Variants in EPHA5 observed in about 807,000 individuals in gnomAD.
EPHA5 encodes the protein EPH receptor A5.
Under a neutral mutation model 105.0 loss-of-function variants are expected in EPHA5, and 60 were observed. The ratio of observed to expected loss-of-function variants is 0.57; its 90% CI spans 0.46 to 0.71. The LOEUF (loss-of-function observed/expected upper bound fraction) is 0.71, where lower values mean the gene tolerates loss of function less well. Among genes scored for constraint, EPHA5 ranks in the 30% least tolerant of loss-of-function variants. EPHA5 has a pLI of 0.00. For missense variants in EPHA5, 1,218 were observed against 1,274.7 expected (o/e 0.96, Z 0.68); for synonymous variants, 513 against 449.1 (o/e 1.14, Z -1.80).
At chr4:65,658,923 T>G (rs144637212) in intron 1 of EPHA5, among the ~76,000 whole-genome samples, 1 of 152,048 alleles carries the variant, frequency 6.6e-6, no homozygotes. Flanking sequence ...GGCTCTATTA[T>G]GAGATTCATG....
intron 5 of EPHA5, among the ~76,000 whole-genome samples, chr4:65,458,134 T>C (rs1727789473): frequency 6.7e-6 from 1 of 149,098 alleles, no homozygotes; most frequent in South Asian, 2.1e-4. Context: ...TATACTAAGA[T>C]AATTGACAAT....
chr4:65,457,355 A>G (rs989890451), intron 5 of EPHA5, among the ~76,000 whole-genome samples: 4 of 152,180 alleles, frequency 2.6e-5, no homozygotes, highest in Non-Finnish European at 5.9e-5. Context: ...ACATCATAGG[A>G]TCATTATAAG....
At chr4:65,349,424 C>T (rs1423850799) in intron 13 of EPHA5, among the ~76,000 whole-genome samples, 1 of 151,968 alleles carries the variant, frequency 6.6e-6, no homozygotes, top group Non-Finnish European at 1.5e-5. Flanking sequence ...CTCTTAGCTT[C>T]AATAGCAGGC....
chr4:65,618,876 TG>T (rs1361439830), intron 2 of EPHA5, among the ~76,000 whole-genome samples: 3 of 152,182 alleles, frequency 2.0e-5, no homozygotes, highest in Non-Finnish European at 4.4e-5. Context: ...ACTAATTGGT[TG>T]GGCGCGGTGG....
chr4:65,526,722 C>T (rs1181127885), intron 3 of EPHA5, among the ~76,000 whole-genome samples: 1 of 151,954 alleles, frequency 6.6e-6, no homozygotes, highest in Non-Finnish European at 1.5e-5. Flanking sequence ...GAGAGCCAAA[C>T]TTTGCATATG....
intron 14 of EPHA5, among the ~76,000 whole-genome samples, chr4:65,342,537 A>T (rs1721828757): frequency 6.6e-6 from 1 of 151,880 alleles, no homozygotes; most frequent in Non-Finnish European, 1.5e-5. Context: ...ACATATAAGG[A>T]ATATGTATAC....
intron 5 of EPHA5, among the ~76,000 whole-genome samples, chr4:65,424,914 A>T (rs1196863673): frequency 5.6e-4 from 86 of 152,270 alleles, no homozygotes; most frequent in East Asian, 1.9e-4. Flanking sequence ...CAAAGTGAAC[A>T]TGATGAAAAC....
At chr4:65,466,875 G>T (rs1728771585) in intron 5 of EPHA5, among the ~76,000 whole-genome samples, 1 of 152,134 alleles carries the variant, frequency 6.6e-6, no homozygotes, top group Admixed American at 6.5e-5. Context: ...CAGATACTTA[G>T]GATGGAGGCA....
In EPHA5 at chr4:65,376,941, A is replaced by C. The variant is rs536814163; in HGVS notation, c.1794-9517T>G. The stretch of plus-strand genomic sequence containing the variant: ...AAATGGAGAAAGAAAAGGAATGCCG[A>C]CGGTAATACATATAGGTGGACATCA... On this transcript the variant is annotated intron_variant, in intron 8 of 16. Transcript: ENST00000613740. 470 of 1,442,568 alleles carry C rather than the reference A, an allele frequency of 3.3e-4. 3 individuals are homozygous for C. The South Asian group carries it at 6.6e-3, about 20-fold the overall frequency. 89.4% of individuals were successfully genotyped at this position (1,442,568 alleles called of 1,614,324 possible). A position where few individuals can be genotyped will look rare whatever the true frequency, so the allele number is the denominator to read the frequency against.
At chr4:65,404,519 G>T in intron 7 of EPHA5, 40 bp from the exon 8 acceptor site, 2 of 1,563,324 alleles carry the variant, frequency 1.3e-6, no homozygotes, top group South Asian at 1.1e-5. Context: ...TGGTTAAAGT[G>T]ATCACATGCA....
At chr4:65,375,613 G>GAGATGT (rs1392009481) in intron 8 of EPHA5, among the ~76,000 whole-genome samples, 1 of 151,866 alleles carries the variant, frequency 6.6e-6, no homozygotes, top group Non-Finnish European at 1.5e-5. Context: ...AAGCATTTTT[G>GAGATGT]AGATGTAGTT....
intron 5 of EPHA5, among the ~76,000 whole-genome samples, chr4:65,463,762 AT>A (rs1728343936): frequency 6.6e-6 from 1 of 152,052 alleles, no homozygotes; most frequent in African/African-American, 2.4e-5. Flanking sequence ...TTTGCACAAT[AT>A]TTCTCTTGCC....
chr4:65,597,095 T>C (rs537876883), intron 3 of EPHA5, among the ~76,000 whole-genome samples: 1 of 152,280 alleles, frequency 6.6e-6, no homozygotes, highest in South Asian at 2.1e-4. Flanking sequence ...GGACAATTAA[T>C]AAGTACTTTT....
intron 3 of EPHA5, among the ~76,000 whole-genome samples, chr4:65,579,133 T>G (rs929494644): frequency 8.6e-5 from 13 of 151,586 alleles, no homozygotes; most frequent in Non-Finnish European, 1.9e-4. Flanking sequence ...TAAAAATGTT[T>G]AAATATTATT....
At chr4:65,582,878 A>C (rs1283630615) in intron 3 of EPHA5, among the ~76,000 whole-genome samples, 2 of 151,722 alleles carry the variant, frequency 1.3e-5, no homozygotes, top group Non-Finnish European at 3.0e-5. Flanking sequence ...AGAATTACAT[A>C]ATAGATGATA....
At chr4:65,441,733 T>A (rs981800115) in intron 5 of EPHA5, among the ~76,000 whole-genome samples, 2 of 151,994 alleles carry the variant, frequency 1.3e-5, no homozygotes, top group African/African-American at 4.8e-5. Context: ...TAAAACATAT[T>A]AATAAAAAAA....
At chr4:65,444,521 G>A (rs535544225) in intron 5 of EPHA5, among the ~76,000 whole-genome samples, 1 of 152,060 alleles carries the variant, frequency 6.6e-6, no homozygotes, top group African/African-American at 2.4e-5. Flanking sequence ...ACCTTGTCTG[G>A]TTTTTCCAAC....
At chr4:65,620,978 T>C (rs1447921257) in intron 2 of EPHA5, among the ~76,000 whole-genome samples, 2 of 152,160 alleles carry the variant, frequency 1.3e-5, no homozygotes, top group Non-Finnish European at 1.5e-5. Flanking sequence ...GCTTCAATAC[T>C]TCCAGGTATA....
intron 5 of EPHA5, among the ~76,000 whole-genome samples, chr4:65,449,568 T>C (rs1218624050): frequency 6.6e-6 from 1 of 152,210 alleles, no homozygotes; most frequent in African/African-American, 2.4e-5. Context: ...CGTATATTCA[T>C]ATAACAATTA....
Sources: allele counts gnomAD v4.1 joint callset (sites outside exome capture counted in the v4.1 genomes callset), GRCh38; gene constraint gnomAD v4.1.1; transcripts MANE v1.5; gene names NCBI Gene and HGNC (gene_info 2026-07-23, HGNC 2026-07-21).